The following SMCO2 variants were observed in gnomAD, a reference collection of about 807,000 sequenced individuals.
SMCO2 encodes single-pass membrane protein with coiled-coil domains 2, also known as single-pass membrane and coiled-coil domain-containing protein 2.
Under a neutral mutation model 29.5 loss-of-function variants are expected in SMCO2, and 25 were observed. The observed-to-expected ratio is 0.85, with a 90% confidence interval of 0.62 to 1.18. SMCO2 has a LOEUF of 1.18. SMCO2 is among the 50% of genes most tolerant of loss of function. The pLI is 0.00. For missense variants in SMCO2, 348 were observed against 344.5 expected, an observed-to-expected ratio of 1.01 and a Z score of -0.08; for synonymous variants, 117 against 123.3, an observed-to-expected ratio of 0.95 and a Z score of 0.34.
At chr12:27,424,601 A>T in the SMCO2 span, 1 of 152,206 alleles carries the variant, frequency 6.6e-6, no homozygotes, top group African/African-American at 2.4e-5. Context: ...CAGGTACAAG[A>T]AATAGCCAAT....
the SMCO2 span, among the ~76,000 whole-genome samples, chr12:27,426,800 T>C: frequency 1.3e-5 from 2 of 152,158 alleles, no homozygotes; most frequent in Non-Finnish European, 2.9e-5. Flanking sequence ...GTTAAGTACC[T>C]AGAGAACCCA....
At chr12:27,479,245 T>C (rs563227670) in intron 4 of SMCO2, among the ~76,000 whole-genome samples, 5 of 152,020 alleles carry the variant, frequency 3.3e-5, no homozygotes, top group Non-Finnish European at 7.4e-5. Flanking sequence ...GGCCCCTGGA[T>C]AGTGTGCCCT....
the SMCO2 span, among the ~76,000 whole-genome samples, chr12:27,448,600 A>G: frequency 6.6e-6 from 1 of 152,158 alleles, no homozygotes; most frequent in Non-Finnish European, 1.5e-5. Context: ...AGGCTCTGGG[A>G]CCCTTGGGAT....
chr12:27,472,989 A>G (rs140551209), intron 3 of SMCO2, 114 bp downstream of exon 3: 13 of 778,934 alleles, frequency 1.7e-5, no homozygotes, highest in Non-Finnish European at 2.3e-5. Context: ...GTTTTCTTCT[A>G]ATTGGTGCAG....
chr12:27,495,530 A>G, intron 6 of SMCO2, 150 bp from the exon 8 acceptor site: 1 of 596,932 alleles, frequency 1.7e-6, no homozygotes, highest in Non-Finnish European at 2.6e-6. Flanking sequence ...TTCAAGATGC[A>G]CCTGCCAATG....
chr12:27,495,854 T>C lies in SMCO2; in HGVS notation c.682T>C (p.Trp228Arg), dbSNP rs1013707085. 8.1e-6 allele frequency: 12 copies of C among 1,484,480 alleles called. No individual in the cohort carries two copies. The highest frequency in any genetic ancestry group is 1.8e-4 in the Middle Eastern group (1 of 5,592). The allele number at this position is 1,484,480 out of a possible 1,614,324, so 92.0% of individuals were successfully genotyped here. Residue 228 changes from tryptophan to arginine, a missense_variant and splice_region_variant, in exon 7 of 8, where the codon TGG becomes CGG. Trp to Arg is a moderately radical substitution (Grantham distance 101). Coordinates refer to ENST00000298876, the Ensembl canonical transcript of SMCO2. ...GAAGTCTCCTCCCCGCAATACAGCA[T>C]GGTAAGTCAGAGCAAGAGGCCATTC...
At chr12:27,446,321 G>A in the SMCO2 span, among the ~76,000 whole-genome samples, 9 of 152,108 alleles carry the variant, frequency 5.9e-5, no homozygotes, top group African/African-American at 2.2e-4. Context: ...AAGCTCTCTG[G>A]TGCCTCTTCT....
At chr12:27,428,435 A>G in the SMCO2 span, among the ~76,000 whole-genome samples, 1 of 152,174 alleles carries the variant, frequency 6.6e-6, no homozygotes, top group Admixed American at 6.6e-5. Flanking sequence ...TAATTTTTGC[A>G]AAGGCACTTT....
At chr12:27,493,271 AC>A (rs1189029310) in intron 5 of SMCO2, among the ~76,000 whole-genome samples, 2 of 151,880 alleles carry the variant, frequency 1.3e-5, no homozygotes, top group African/African-American at 4.8e-5. Flanking sequence ...TGTACAGCAA[AC>A]CCCCATGACA....
At chr12:27,432,334 T>C in the SMCO2 span, among the ~76,000 whole-genome samples, 3 of 152,212 alleles carry the variant, frequency 2.0e-5, no homozygotes, top group Admixed American at 6.5e-5. Flanking sequence ...TCTCAGTTGC[T>C]GAAGCACGTG....
rs1565685591 is a variant in SMCO2 at position 27,501,986 on chromosome 12, CATACT to C, written c.750_754del (p.Leu251PhefsTer8). On this transcript the variant is annotated frameshift_variant, in exon 8 of 8. Coordinates refer to ENST00000298876, the Ensembl canonical transcript of SMCO2. LOFTEE classifies it high-confidence loss of function. ...TCACCGTCACTGGACTTTTATGTTA[CATACT>C]ATTTTTTGGTGCTACATTTCTCTTT... 1.9e-6 allele frequency: 3 copies of C among 1,547,948 alleles called. No individual in the cohort carries two copies. Among genetic ancestry groups the C allele is most frequent in the Non-Finnish European group, 2.6e-6 (3 of 1,145,850 alleles).
At chr12:27,432,205 A>T in the SMCO2 span, among the ~76,000 whole-genome samples, 1 of 152,144 alleles carries the variant, frequency 6.6e-6, no homozygotes, top group African/African-American at 2.4e-5. Flanking sequence ...CTCACATTCC[A>T]TAGGTTGTTT....
At chr12:27,470,464 A>G (rs1249533493) in intron 1 of SMCO2, among the ~76,000 whole-genome samples, 158 bp from the exon 2 acceptor site, 1 of 150,562 alleles carries the variant, frequency 6.6e-6, no homozygotes, top group Non-Finnish European at 1.5e-5. Flanking sequence ...GCAAAATCTA[A>G]GAGCTTGTTT....
At chr12:27,471,290 ATAG>A (rs1234966836) in intron 2 of SMCO2, among the ~76,000 whole-genome samples, 2 of 152,206 alleles carry the variant, frequency 1.3e-5, no homozygotes, top group Non-Finnish European at 2.9e-5. Context: ...TTTATTGAAG[ATAG>A]TAGCATACGC....
chr12:27,448,635 G>C, the SMCO2 span, among the ~76,000 whole-genome samples: 1 of 152,138 alleles, frequency 6.6e-6, no homozygotes, highest in Admixed American at 6.5e-5. Context: ...CCTCTCTCCA[G>C]TTCTAAACAA....
intron 6 of SMCO2, among the ~76,000 whole-genome samples, chr12:27,495,100 A>G (rs1942981714): frequency 6.6e-6 from 1 of 152,164 alleles, no homozygotes; most frequent in Non-Finnish European, 1.5e-5. Flanking sequence ...ACAATGAAAG[A>G]ATGAATGTAT....
At chr12:27,462,418 A>T (rs2135534285), upstream of SMCO2, among the ~76,000 whole-genome samples, 1 of 152,328 alleles carries the variant, frequency 6.6e-6, no homozygotes, top group South Asian at 2.1e-4. Context: ...GAAGCCAGGG[A>T]CTTCCCAGAT....
intron 3 of SMCO2, among the ~76,000 whole-genome samples, chr12:27,473,310 C>T (rs1420557891): frequency 6.6e-6 from 1 of 152,136 alleles, no homozygotes; most frequent in East Asian, 1.9e-4. Flanking sequence ...GCTTCTGGGA[C>T]TCCAGGCCTT....
At chr12:27,468,046 C>T (rs1949511708) in intron 1 of SMCO2, among the ~76,000 whole-genome samples, 1 of 152,166 alleles carries the variant, frequency 6.6e-6, no homozygotes, top group African/African-American at 2.4e-5. Flanking sequence ...ATGTTAAGCA[C>T]AATTTTACTC....
Sources: allele counts gnomAD v4.1 joint callset (sites outside exome capture counted in the v4.1 genomes callset), GRCh38; gene constraint gnomAD v4.1.1; transcripts MANE v1.5; gene names NCBI Gene and HGNC (gene_info 2026-07-23, HGNC 2026-07-21).